Variants in NFATC4 observed in about 807,000 individuals in gnomAD.
NFATC4 encodes nuclear factor of activated T cells 4, also known as nuclear factor of activated T-cells, cytoplasmic 4.
NFATC4 carries 25 observed loss-of-function variants against 73.4 expected under a neutral mutation model. The observed-to-expected ratio is 0.34, with a 90% CI of 0.25 to 0.48. NFATC4 has a LOEUF of 0.48. NFATC4 is among the 20% of genes least tolerant of loss of function. The pLI is 0.99. For missense variants in NFATC4, 1,130 were observed against 1,203.7 expected (o/e 0.94, Z 0.91); for synonymous variants, 523 against 510.3 (o/e 1.02, Z -0.34).
rs765024566 is a variant in NFATC4 at position 24,376,017 on chromosome 14, G to A, written c.1972G>A (p.Val658Ile). The change falls in exon 8 of 10, where the codon GTT (valine) becomes ATT (isoleucine). Residue 658 changes from valine to isoleucine, a missense_variant. By Grantham distance (29) the Val-to-Ile change is conservative (BLOSUM62 3). Transcript: ENST00000250373. The surrounding 1 kb of genome is among the most constrained non-coding windows in gnomAD (Gnocchi z 5.0). ...LTVPEYSNKR[V>I]SRPVQVYFYV... ...TGTCCCCGAGTACAGCAACAAGAGG[G>A]TTTCCCGGCCAGTCCAGGTCTACTT... 1.1e-5 allele frequency: 18 copies of A among 1,613,968 alleles called. No homozygotes were observed. The highest frequency in any genetic ancestry group is 5.3e-5 in the African/African-American group (4 of 74,898).
rs769341590 is a variant in NFATC4, at chr14:24,376,640, G to C, written c.2403G>C (p.Leu801=). ...PYGGRGSSFS[L]GLPFSPPAPF... is the part of the protein sequence containing the mutation. ...GAGGGCGGGGCTCCTCTTTCTCCCT[G>C]GGGCTGCCATTCTCTCCGCCAGCCC... Residue 801 remains leucine, a synonymous_variant, in exon 9 of 10, where the codon CTG becomes CTC. Coordinates refer to ENST00000250373, the MANE Select transcript of NFATC4 (RefSeq NM_004554.5). The surrounding 1 kb of genome is among the most constrained non-coding windows in gnomAD (Gnocchi z 5.0). 3.9e-5 allele frequency: 63 copies of C among 1,613,220 alleles called. No individual in the cohort carries two copies. Among genetic ancestry groups the C allele is most frequent in the Admixed American group, 6.7e-5 (4 of 59,940 alleles).
At chr14:24,369,339 C>G in intron 1 of NFATC4, 160 bp from the exon 2 acceptor site, 2 of 1,597,610 alleles carry the variant, frequency 1.3e-6, no homozygotes, top group Non-Finnish European at 1.7e-6. Flanking sequence ...CCTCCATCTT[C>G]CCAGGTCCAA....
At position 24,373,312 on chromosome 14, in the gene NFATC4, G is replaced by A; in HGVS notation, c.1501G>A (p.Val501Ile). Residue 501 changes from valine (V) to isoleucine (I), a missense_variant, in exon 4 of 10, where the codon GTC becomes ATC. By Grantham distance (29) the Val-to-Ile change is conservative. This residue lies in a region of NFATC4 where 155 missense variants were observed against 221.2 expected (regional missense o/e 0.70). Transcript: ENST00000250373. The surrounding 1 kb of genome is among the most constrained non-coding windows in gnomAD (Gnocchi z 4.7). The stretch of plus-strand genomic sequence containing the variant: ...GGCCACGGCCAGCTATGAAGCCGTA[G>A]TCAGTGGCACCAAGGTGTTGGAGAT... ...MVATASYEAVVSGTKVLEMTL... is the reference protein window; with the variant it reads ...MVATASYEAVISGTKVLEMTL... The A allele has an allele frequency of 6.2e-7, 1 of 1,614,238 alleles. No individual in the cohort carries two copies. Among genetic ancestry groups the A allele is most frequent in the Non-Finnish European group, 8.5e-7 (1 of 1,180,050 alleles).
rs1389457020 is a variant in NFATC4 at position 24,368,948 on chromosome 14, C to T, written c.100+508C>T. On this transcript the variant is annotated intron_variant, in intron 1 of 9. Transcript: ENST00000250373. Reference sequence around the variant, plus strand: ...CGCTCGCACGAATCCGCGCTGCCCGCTGCCCCCCTTCCCCCGGCTGGGCCC... The same window carrying T: ...CGCTCGCACGAATCCGCGCTGCCCGTTGCCCCCCTTCCCCCGGCTGGGCCC... The T allele has an allele frequency of 3.9e-6, 3 of 777,826 alleles. No homozygotes were observed. In the East Asian group the frequency reaches 2.5e-4, roughly 66 times the overall value. 48.2% of individuals were successfully genotyped at this position (777,826 alleles called of 1,614,324 possible).
At chr14:24,371,513 A>C (rs563357044) in intron 2 of NFATC4, among the ~76,000 whole-genome samples, 1 of 152,270 alleles carries the variant, frequency 6.6e-6, no homozygotes, top group Admixed American at 6.5e-5. Flanking sequence ...ACCAGTTGAG[A>C]TCCACTGTCC....
intron 6 of NFATC4, 170 bp downstream of exon 6, chr14:24,374,636 G>T (rs188950812): frequency 5.0e-6 from 3 of 596,946 alleles, no homozygotes; most frequent in Admixed American, 6.6e-5. Context: ...CATGTGGGAT[G>T]GGTATGACAG....
In NFATC4 at chr14:24,377,901, G is replaced by A; in HGVS notation, c.*196G>A. On this transcript the variant is annotated 3_prime_UTR_variant, in exon 10 of 10. Coordinates refer to ENST00000250373, the MANE Select transcript of NFATC4 (RefSeq NM_004554.5). The surrounding 1 kb of genome is among the most constrained non-coding windows in gnomAD (Gnocchi z 4.2). ...CCTCAGGCCTGGTGCTGCCTTGGAGGGCTGGGGGAAGGAGTGTGTGGAGGA... is the reference window on the plus strand; with the variant it reads ...CCTCAGGCCTGGTGCTGCCTTGGAGAGCTGGGGGAAGGAGTGTGTGGAGGA... 3.5e-6 allele frequency: 4 copies of A among 1,159,402 alleles called. No homozygotes were observed. Among genetic ancestry groups the A allele is most frequent in the Non-Finnish European group, 4.7e-6 (4 of 843,182 alleles). 71.8% of individuals were successfully genotyped at this position (1,159,402 alleles called of 1,614,324 possible). A position where few individuals can be genotyped will look rare whatever the true frequency, so the allele number is the denominator to read the frequency against.
At position 24,370,206 on chromosome 14, in the gene NFATC4, C is replaced by T; in HGVS notation, c.808C>T (p.Arg270Cys). ...PRPASPCGKR[R>C]YSSSGTPSSA... is the part of the protein sequence containing the mutation. ...GCCTGCCTCTCCATGTGGCAAGCGG[C>T]GCTATTCCAGCTCGGGAACCCCATC... Residue 270 changes from arginine (R) to cysteine (C), a missense_variant, in exon 2 of 10, where the codon CGC becomes TGC. Coordinates refer to ENST00000250373, the MANE Select transcript of NFATC4 (RefSeq NM_004554.5). The T allele has an allele frequency of 1.9e-6, 3 of 1,609,254 alleles. No homozygotes were observed. The highest frequency in any genetic ancestry group is 1.1e-5 in the South Asian group (1 of 91,078).
At position 24,370,612 on chromosome 14, in the gene NFATC4, C is replaced by A. The variant is rs550028535; in HGVS notation, c.1196+18C>A. The A allele has an allele frequency of 1.3e-6, 2 of 1,591,236 alleles. No individual in the cohort carries two copies. The highest frequency in any genetic ancestry group is 2.3e-5 in the South Asian group (2 of 88,826). On this transcript the variant is annotated intron_variant, in intron 2 of 9. Coordinates refer to ENST00000250373, the MANE Select transcript of NFATC4 (RefSeq NM_004554.5). Reference sequence around the variant, plus strand: ...ATCTTCAGGTGAGGGTTGCGCCTGGCACTACCGCTCTCTCTAGCCATTCCA... The same window carrying A: ...ATCTTCAGGTGAGGGTTGCGCCTGGAACTACCGCTCTCTCTAGCCATTCCA...
At chr14:24,368,840 C>T (rs532698123) in intron 1 of NFATC4, among the ~76,000 whole-genome samples, 24 of 152,180 alleles carry the variant, frequency 1.6e-4, no homozygotes, top group African/African-American at 5.8e-4. Flanking sequence ...CGCTGTCAGG[C>T]CTCGCTGGGG....
chr14:24,377,787 A>G lies in NFATC4; in HGVS notation c.*82A>G. 1.2e-6 allele frequency: 2 copies of G among 1,608,044 alleles called. No individual in the cohort carries two copies. Among genetic ancestry groups the G allele is most frequent in the Non-Finnish European group, 1.7e-6 (2 of 1,176,430 alleles). ...TTCCCTCCTTCCTGGAGTGGTGGCT[A>G]CAGAAGCTTGGGGCCAACCCTGGCT... On this transcript the variant is annotated 3_prime_UTR_variant, in exon 10 of 10. Transcript: ENST00000250373. This position sits in a 1 kb window ranked among gnomAD's most constrained non-coding sequence, Gnocchi z 4.2.
In NFATC4 at chr14:24,376,717, C is replaced by G. The variant is rs774970090; in HGVS notation, c.2480C>G (p.Pro827Arg). Residue 827 changes from proline to arginine, a missense_variant, in exon 9 of 10, where the codon CCT becomes CGT. Pro to Arg is a moderately radical substitution (Grantham distance 103). Around this residue, in one of 3 missense-constraint regions of NFATC4, gnomAD observed 390 missense variants for 408.1 expected, o/e 0.96. Transcript: ENST00000250373. The surrounding 1 kb of genome is among the most constrained non-coding windows in gnomAD (Gnocchi z 5.0). ...PASPPLEGPFPSQSDVHPLPA... is the reference protein window; with the variant it reads ...PASPPLEGPFRSQSDVHPLPA... The stretch of plus-strand genomic sequence containing the variant: ...TCCCCACCGCTTGAAGGCCCCTTCC[C>G]TTCCCAGAGTGATGTGCATCCCCTA... 3 of 1,613,986 alleles carry G rather than the reference C, an allele frequency of 1.9e-6. No homozygotes were observed. The highest frequency in any genetic ancestry group is 2.5e-6 in the Non-Finnish European group (3 of 1,180,000).
chr14:24,373,240 C>A lies in NFATC4; in HGVS notation c.1429C>A (p.Arg477=). 6.2e-7 allele frequency: 1 copy of A among 1,614,194 alleles called. No individual in the cohort carries two copies. The highest frequency in any genetic ancestry group is 8.5e-7 in the Non-Finnish European group (1 of 1,180,052). ...CGGCACTGCAGATGAAAGGAACCTG[C>A]GGCCTCATGCCTTCTATCAGGTGCA... ...FIGTADERNL[R]PHAFYQVHRI... The change falls in exon 4 of 10, where the codon CGG becomes AGG. Residue 477 remains arginine, a synonymous_variant. Coordinates refer to ENST00000250373, the MANE Select transcript of NFATC4 (RefSeq NM_004554.5). The surrounding 1 kb of genome is among the most constrained non-coding windows in gnomAD (Gnocchi z 4.7).
At chr14:24,371,603 C>T (rs1566465463) in intron 2 of NFATC4, 3 of 152,618 alleles carry the variant, frequency 2.0e-5, no homozygotes, top group Admixed American at 2.0e-4. Flanking sequence ...CTATCAAGCC[C>T]CAACTAGTGG....
chr14:24,372,516 G>A lies in NFATC4; in HGVS notation c.1272G>A (p.Gln424=). ...YEQLELRIEV[Q]PRAHHRAHYE... ...AGCTGGAGCTGAGGATCGAGGTACA[G>A]CCTAGAGCCCACCACCGGGCCCACT... The change falls in exon 3 of 10, where the codon CAG becomes CAA. Residue 424 remains glutamine, a synonymous_variant. Coordinates refer to ENST00000250373, the MANE Select transcript of NFATC4 (RefSeq NM_004554.5). 1 of 1,614,078 alleles carries A rather than the reference G, an allele frequency of 6.2e-7. No individual in the cohort carries two copies. The highest frequency in any genetic ancestry group is 1.1e-5 in the South Asian group (1 of 91,086).
At chr14:24,374,715 G>A (rs1225471918) in intron 6 of NFATC4, 1 of 407,354 alleles carries the variant, frequency 2.5e-6, no homozygotes, top group Non-Finnish European at 4.5e-6. Flanking sequence ...AGAGGAGTCT[G>A]CTTTGAGATA....
chr14:24,370,366 C>A lies in NFATC4; in HGVS notation c.968C>A (p.Ala323Asp). 1.2e-6 allele frequency: 2 copies of A among 1,613,884 alleles called. No homozygotes were observed. Among genetic ancestry groups the A allele is most frequent in the Non-Finnish European group, 1.7e-6 (2 of 1,179,984 alleles). The change falls in exon 2 of 10, where the codon GCT (alanine) becomes GAT (aspartate). Residue 323 changes from alanine (A) to aspartate (D), a missense_variant. Around this residue, in one of 3 missense-constraint regions of NFATC4, gnomAD observed 585 missense variants for 574.3 expected, o/e 1.02. Transcript: ENST00000250373. The part of the protein sequence containing the change: ...GPFDYVGAPP[A>D]ESIPQKTRRT... The stretch of plus-strand genomic sequence containing the variant: ...TTTGACTATGTGGGGGCCCCACCAG[C>A]TGAGAGCATCCCTCAGAAGACACGG...
Position 24,377,579 on chromosome 14 carries a change from C to A in NFATC4, c.2642-59C>A. ...TGCCTGGAATGGATTGGGGGTGGGT[C>A]TTTGGAAAAGGAGGGGACCCACCTC... is the stretch of plus-strand genomic sequence containing the variant. On this transcript the variant is annotated intron_variant, in intron 9 of 9. Transcript: ENST00000250373. The surrounding 1 kb of genome is among the most constrained non-coding windows in gnomAD (Gnocchi z 4.2). The A allele has an allele frequency of 6.2e-7, 1 of 1,612,828 alleles. No individual in the cohort carries two copies. Among genetic ancestry groups the A allele is most frequent in the South Asian group, 1.1e-5 (1 of 90,992 alleles).
rs1171321481 is a variant in NFATC4 at position 24,369,564 on chromosome 14, G to A, written c.166G>A (p.Ala56Thr). ...LALGEPPPYG[A>T]APIGIPRPPP... is the part of the protein sequence containing the mutation. ...CTTGGGAGAGCCCCCTCCCTATGGC[G>A]CTGCACCTATCGGTATTCCCCGACC... The change falls in exon 2 of 10, where the codon GCT (alanine) becomes ACT (threonine). Residue 56 changes from alanine to threonine, a missense_variant. Coordinates refer to ENST00000250373, the MANE Select transcript of NFATC4 (RefSeq NM_004554.5). 2 of 1,612,292 alleles carry A rather than the reference G, an allele frequency of 1.2e-6. No homozygotes were observed.
Sources: gnomAD v4.1 joint callset for allele counts (sites outside exome capture counted in the v4.1 genomes callset) on GRCh38, gnomAD v4.1.1 for gene constraint, gnomAD v4.1.1 regional missense constraint, Gnocchi (gnomAD v3.1) non-coding constraint, MANE v1.5 for transcripts, NCBI Gene and HGNC (gene_info 2026-07-23, HGNC 2026-07-21) for gene names.